DPP10: variants seen among roughly 807,000 people sequenced by gnomAD.
DPP10 encodes inactive dipeptidyl peptidase 10.
A neutral mutation model predicts 120.9 loss-of-function variants in DPP10; 33 were observed. That is an observed-to-expected ratio of 0.27 (90% CI 0.21 to 0.37). The LOEUF is 0.37. Ranked by LOEUF, DPP10 falls within the 10% of genes least tolerant of loss-of-function variation. The pLI, the probability that DPP10 is intolerant of heterozygous loss-of-function variation, is 1.00. For missense variants in DPP10, 816 were observed against 942.8 expected (o/e 0.87, Z 1.76); for synonymous variants, 337 against 326.1 (o/e 1.03, Z -0.36).
intron 1 of DPP10, among the ~76,000 whole-genome samples, chr2:115,294,309 A>G (rs1467229668): frequency 1.3e-5 from 2 of 152,110 alleles, no homozygotes; most frequent in African/African-American, 4.8e-5. Context: ...TAATGAATGT[A>G]TTTATCAAAT....
intron 3 of DPP10, among the ~76,000 whole-genome samples, chr2:115,456,314 A>G (rs779483994): frequency 2.6e-4 from 39 of 152,240 alleles, no homozygotes; most frequent in Middle Eastern, 3.4e-3. Flanking sequence ...GAAACAACAG[A>G]TGCTGGAGAG....
intron 1 of DPP10, among the ~76,000 whole-genome samples, chr2:115,279,459 C>T (rs1347041038): frequency 1.3e-5 from 2 of 151,928 alleles, no homozygotes; most frequent in Non-Finnish European, 2.9e-5. Flanking sequence ...TTATTGGTCT[C>T]TACCCAATAA....
intron 5 of DPP10, among the ~76,000 whole-genome samples, chr2:115,543,136 G>A (rs930999273): frequency 4.6e-5 from 7 of 151,938 alleles, no homozygotes; most frequent in African/African-American, 1.4e-4. Flanking sequence ...AACAGAGATA[G>A]CACCTCGTAT....
At chr2:115,427,298 T>G (rs1304949557) in intron 3 of DPP10, among the ~76,000 whole-genome samples, 13 of 152,194 alleles carry the variant, frequency 8.5e-5, no homozygotes, top group Admixed American at 8.5e-4. Flanking sequence ...CAACCCCGCA[T>G]TTCCCCATAG....
chr2:115,273,301 C>T lies in DPP10; in HGVS notation c.61-35938C>T, dbSNP rs141975004. Among the ~76,000 whole-genome samples, 464 of 152,034 alleles carry T rather than the reference C, an allele frequency of 3.1e-3. 1 individual carries two copies. Among genetic ancestry groups the T allele is most frequent in the African/African-American group, 0.01 (426 of 41,482 alleles). On this transcript the variant is annotated intron_variant, in intron 1 of 25. Coordinates refer to ENST00000410059, the MANE Select transcript of DPP10 (RefSeq NM_020868.6). ...TCCTTCATGGCCAGTTTATCTATAC[C>T]GTTTTTTCAGAGTTTCTTGAGACAG...
chr2:115,234,355 T>C (rs966002658), intron 1 of DPP10: 1 of 178,024 alleles, frequency 5.6e-6, no homozygotes, highest in Non-Finnish European at 1.2e-5. Flanking sequence ...CAAAACTGAT[T>C]AGATAACCTT....
chr2:115,414,574 T>C (rs1282360756), intron 3 of DPP10, among the ~76,000 whole-genome samples: 1 of 152,192 alleles, frequency 6.6e-6, no homozygotes, highest in African/African-American at 2.4e-5. Flanking sequence ...TGTATTTTTT[T>C]AGACTAATGT....
At chr2:115,385,621 T>C (rs1385007281) in intron 3 of DPP10, among the ~76,000 whole-genome samples, 1 of 152,180 alleles carries the variant, frequency 6.6e-6, no homozygotes, top group Non-Finnish European at 1.5e-5. Flanking sequence ...CTTCCCAAAG[T>C]GCTGGGATTA....
At chr2:114,490,720 T>G (rs1681919992) in intron 1 of DPP10, among the ~76,000 whole-genome samples, 1 of 152,046 alleles carries the variant, frequency 6.6e-6, no homozygotes, top group Admixed American at 6.6e-5. Context: ...CTTTAAGATC[T>G]AGGTTTGTGA....
intron 5 of DPP10, among the ~76,000 whole-genome samples, chr2:115,634,557 A>G (rs1441991430): frequency 6.6e-6 from 1 of 152,174 alleles, no homozygotes; most frequent in Non-Finnish European, 1.5e-5. Context: ...AGTGGAGGCT[A>G]TAGAACAGTA....
intron 3 of DPP10, among the ~76,000 whole-genome samples, chr2:115,362,503 T>C (rs940451318): frequency 6.6e-6 from 1 of 152,180 alleles, no homozygotes; most frequent in Non-Finnish European, 1.5e-5. Context: ...AAGCTTTATA[T>C]AACTGGCAGG....
intron 1 of DPP10, among the ~76,000 whole-genome samples, chr2:114,728,428 G>T (rs17040472): frequency 0.013 from 1,926 of 152,172 alleles, 52 homozygotes; most frequent in African/African-American, 0.045. Context: ...TCTGAGCCTC[G>T]GGTGTTTGTA....
Position 114,497,317 on chromosome 2 carries a change from A to G in DPP10, c.60+54479A>G, listed in dbSNP as rs1346570443. ...TACATGTATACGTGTATACATGTAC[A>G]TGTATACGTGTATACATGTACATAT... On this transcript the variant is annotated intron_variant, in intron 1 of 25. Coordinates refer to ENST00000410059, the MANE Select transcript of DPP10 (RefSeq NM_020868.6). Among the ~76,000 whole-genome samples, 45 of 35,888 alleles carry G rather than the reference A, an allele frequency of 1.3e-3. 1 individual carries two copies. The highest frequency in any genetic ancestry group is 3.1e-3 in the African/African-American group (42 of 13,370). 23.5% of individuals were successfully genotyped at this position (35,888 alleles called of 152,430 possible).
At chr2:114,932,017 T>C (rs1696107480) in intron 1 of DPP10, among the ~76,000 whole-genome samples, 1 of 152,234 alleles carries the variant, frequency 6.6e-6, no homozygotes, top group Admixed American at 6.5e-5. Context: ...ATAGGCTAGT[T>C]TAAGCCAAAG....
At chr2:115,250,909 C>G (rs2058724540) in intron 1 of DPP10, among the ~76,000 whole-genome samples, 2 of 152,170 alleles carry the variant, frequency 1.3e-5, no homozygotes, top group Non-Finnish European at 2.9e-5. Flanking sequence ...CCATGACAGT[C>G]TTTTATGCCA....
At chr2:115,685,965 A>G (rs538352418) in intron 5 of DPP10, among the ~76,000 whole-genome samples, 1 of 152,216 alleles carries the variant, frequency 6.6e-6, no homozygotes, top group Non-Finnish European at 1.5e-5. Context: ...CTTGTGCCCC[A>G]CAAATCTACT....
intron 3 of DPP10, among the ~76,000 whole-genome samples, chr2:115,407,406 G>A (rs868150023): frequency 2.0e-5 from 3 of 152,112 alleles, no homozygotes; most frequent in Non-Finnish European, 4.4e-5. Context: ...AATCTTAACT[G>A]CTTCCTGAAG....
At chr2:114,999,884 A>G (rs1053036541) in intron 1 of DPP10, among the ~76,000 whole-genome samples, 1 of 152,224 alleles carries the variant, frequency 6.6e-6, no homozygotes, top group Non-Finnish European at 1.5e-5. Flanking sequence ...CCAGAAAAAA[A>G]GAATCATCAA....
chr2:115,510,596 G>T (rs1256917181), intron 4 of DPP10, among the ~76,000 whole-genome samples: 1 of 151,998 alleles, frequency 6.6e-6, no homozygotes, highest in Non-Finnish European at 1.5e-5. Context: ...CTTGAACTTT[G>T]CTCTTTTTCA....
Sources: gnomAD v4.1 joint callset for allele counts (sites outside exome capture counted in the v4.1 genomes callset) on GRCh38, gnomAD v4.1.1 for gene constraint, MANE v1.5 for transcripts, NCBI Gene and HGNC (gene_info 2026-07-23, HGNC 2026-07-21) for gene names.